Variants in IGSF3 observed in about 807,000 individuals in gnomAD.
IGSF3 encodes immunoglobulin superfamily member 3, also known as glu-Trp-Ile EWI motif-containing protein 3.
A neutral mutation model predicts 114.4 loss-of-function variants in IGSF3; 23 were observed. That is an observed-to-expected ratio of 0.20 (90% CI 0.14 to 0.28). The LOEUF (loss-of-function observed/expected upper bound fraction) is 0.28. Ranked by LOEUF, IGSF3 falls within the 10% of genes least tolerant of loss-of-function variation. The probability of loss-of-function intolerance (pLI) is 1.00; values close to 1 mark genes in which losing one functional copy is unlikely to be tolerated. For missense variants in IGSF3, 1,172 were observed against 1,591.5 expected (o/e 0.74, Z 4.48); for synonymous variants, 571 against 645.2 (o/e 0.88, Z 1.74).
chr1:116,621,281 T>C (rs1571166278), intron 2 of IGSF3, among the ~76,000 whole-genome samples: 1 of 152,216 alleles, frequency 6.6e-6, no homozygotes, highest in Non-Finnish European at 1.5e-5. Flanking sequence ...TGTGAGACAA[T>C]TAAACCTCTT....
rs891861572 is a variant in IGSF3, at chr1:116,661,801, T to C, written c.43+4483A>G. ...GACACATGGACCCTCAGGATAAGCA[T>C]ATTTTCCAGCCTTCTTTGCAGCTAA... On this transcript the variant is annotated intron_variant, in intron 2 of 10. Transcript: ENST00000369486. This position sits in a 1 kb window ranked among gnomAD's most constrained non-coding sequence, Gnocchi z 4.0. Among the ~76,000 whole-genome samples, 3 of 152,222 alleles carry C rather than the reference T, an allele frequency of 2.0e-5. No homozygotes were observed. Among genetic ancestry groups the C allele is most frequent in the African/African-American group, 7.2e-5 (3 of 41,458 alleles).
chr1:116,635,571 G>A (rs113379886), intron 2 of IGSF3, among the ~76,000 whole-genome samples: 14 of 152,294 alleles, frequency 9.2e-5, no homozygotes, highest in African/African-American at 2.6e-4. Flanking sequence ...CCTACAACAC[G>A]GGGCAGACAG....
In IGSF3 at chr1:116,603,484, G is replaced by T; in HGVS notation, c.1624+140C>A. 1 of 803,098 alleles carries T rather than the reference G, an allele frequency of 1.2e-6. No individual in the cohort carries two copies. The highest frequency in any genetic ancestry group is 2.0e-6 in the Non-Finnish European group (1 of 502,828). The allele number at this position is 803,098 out of a possible 1,614,324, so 49.7% of individuals were successfully genotyped here. ...TTATAAGAAATAAAATAGACATAAA[G>T]GAAAGTACTTCAAACTCTATAGGTA... On this transcript the variant is annotated intron_variant, in intron 6 of 10. Transcript: ENST00000369486. The surrounding 1 kb of genome is among the most constrained non-coding windows in gnomAD (Gnocchi z 7.1).
Position 116,575,668 on chromosome 1 carries a change from G to A in IGSF3, c.*1644C>T, listed in dbSNP as rs1659313973. On this transcript the variant is annotated 3_prime_UTR_variant, in exon 11 of 11. Coordinates refer to ENST00000369486, the MANE Select transcript of IGSF3 (RefSeq NM_001007237.3). This position sits in a 1 kb window ranked among gnomAD's most constrained non-coding sequence, Gnocchi z 5.6. Reference sequence around the variant, plus strand: ...TTGGGATTCAGGATGTAAGTTCCCAGAGTAAAGGAGATGGCATGCTTGGCC... The same window carrying A: ...TTGGGATTCAGGATGTAAGTTCCCAAAGTAAAGGAGATGGCATGCTTGGCC... 1 of 152,202 alleles carries A rather than the reference G, an allele frequency of 6.6e-6. No individual in the cohort carries two copies. The highest frequency in any genetic ancestry group is 1.5e-5 in the Non-Finnish European group (1 of 68,048). 9.4% of individuals were successfully genotyped at this position (152,202 alleles called of 1,614,324 possible). A position where few individuals can be genotyped will look rare whatever the true frequency, so the allele number is the denominator to read the frequency against.
chr1:116,639,808 C>T (rs1041062468), intron 2 of IGSF3, among the ~76,000 whole-genome samples: 10 of 151,900 alleles, frequency 6.6e-5, no homozygotes, highest in African/African-American at 1.7e-4. Flanking sequence ...CCAAGTTGGG[C>T]GAATCACTTG....
chr1:116,624,128 T>G lies in IGSF3; in HGVS notation c.44-7671A>C, dbSNP rs1661503103. 6.7e-6 allele frequency among the ~76,000 whole-genome samples: 1 copy of G among 149,390 alleles called. No homozygotes were observed. Among genetic ancestry groups the G allele is most frequent in the South Asian group, 2.1e-4 (1 of 4,704 alleles). On this transcript the variant is annotated intron_variant, in intron 2 of 10. Transcript: ENST00000369486. This position sits in a 1 kb window ranked among gnomAD's most constrained non-coding sequence, Gnocchi z 4.9. ...AAGGTCCCTGAGGATCCCTCGAGCC[T>G]GGGAGGCCGAGGCTGCCGTGAACAA... is the stretch of plus-strand genomic sequence containing the variant.
chr1:116,601,718 A>G (rs1008034045), intron 6 of IGSF3, among the ~76,000 whole-genome samples: 2 of 152,174 alleles, frequency 1.3e-5, no homozygotes, highest in African/African-American at 2.4e-5. Context: ...TTCATAAGCT[A>G]TCTCTATATA....
intron 2 of IGSF3, among the ~76,000 whole-genome samples, chr1:116,646,359 A>G (rs1343849220): frequency 6.6e-6 from 1 of 152,168 alleles, no homozygotes; most frequent in African/African-American, 2.4e-5. Flanking sequence ...GTCCACACAA[A>G]GAGGATGGAT....
chr1:116,608,739 T>C (rs1243561832), intron 4 of IGSF3, among the ~76,000 whole-genome samples: 1 of 152,094 alleles, frequency 6.6e-6, no homozygotes, highest in African/African-American at 2.4e-5. Context: ...ATTATAAACA[T>C]TTTCAGCAGA....
chr1:116,620,923 T>C (rs565311302), intron 2 of IGSF3, among the ~76,000 whole-genome samples: 25 of 152,300 alleles, frequency 1.6e-4, no homozygotes, highest in East Asian at 5.8e-4. Flanking sequence ...TTATTTCTTA[T>C]AGAGACGGGA....
intron 2 of IGSF3, among the ~76,000 whole-genome samples, chr1:116,643,398 C>G (rs1648197151): frequency 6.6e-6 from 1 of 152,256 alleles, no homozygotes; most frequent in African/African-American, 2.4e-5. Flanking sequence ...GGACACTCCT[C>G]AAGTGACCTT....
chr1:116,586,515 G>GA (rs1288513262), intron 8 of IGSF3, among the ~76,000 whole-genome samples: 3 of 152,168 alleles, frequency 2.0e-5, no homozygotes, highest in African/African-American at 7.2e-5. Flanking sequence ...AAGAAACGAG[G>GA]AAAGCTGTTT....
chr1:116,579,243 G>A lies in IGSF3; in HGVS notation c.3334+149C>T, dbSNP rs12066192. On this transcript the variant is annotated intron_variant, in intron 10 of 10. Coordinates refer to ENST00000369486, the MANE Select transcript of IGSF3 (RefSeq NM_001007237.3). The surrounding 1 kb of genome is among the most constrained non-coding windows in gnomAD (Gnocchi z 6.4). ...AAGGGTCAATTATATGAACTAATAT[G>A]TCCAATCCCACCATATCTCAAATCC... The A allele has an allele frequency of 0.28, 288,372 of 1,025,082 alleles. 51,750 individuals carry two copies. The highest frequency in any genetic ancestry group is 0.81 in the African/African-American group (50,365 of 62,028). The allele number at this position is 1,025,082 out of a possible 1,614,324, so 63.5% of individuals were successfully genotyped here.
At chr1:116,643,698 T>TACGGGC (rs1489691252) in intron 2 of IGSF3, among the ~76,000 whole-genome samples, 1 of 152,234 alleles carries the variant, frequency 6.6e-6, no homozygotes, top group Non-Finnish European at 1.5e-5. Context: ...CTCAGGTGTC[T>TACGGGC]ACGGGCACGT....
rs1254982446 is a variant in IGSF3, at chr1:116,665,097, T to C, written c.43+1187A>G. Among the ~76,000 whole-genome samples, 1 of 152,188 alleles carries C rather than the reference T, an allele frequency of 6.6e-6. No homozygotes were observed. The highest frequency in any genetic ancestry group is 1.5e-5 in the Non-Finnish European group (1 of 68,044). ...CTTATATCCTTTAGTTATCACACCTTCCCTTGTTTTATTGTTTCTGTTTTA... is the reference window on the plus strand; with the variant it reads ...CTTATATCCTTTAGTTATCACACCTCCCCTTGTTTTATTGTTTCTGTTTTA... On this transcript the variant is annotated intron_variant, in intron 2 of 10. Transcript: ENST00000369486. This position sits in a 1 kb window ranked among gnomAD's most constrained non-coding sequence, Gnocchi z 4.0.
intron 4 of IGSF3, among the ~76,000 whole-genome samples, chr1:116,613,012 C>A (rs1250228039): frequency 1.3e-5 from 2 of 152,204 alleles, no homozygotes; most frequent in Admixed American, 6.5e-5. Flanking sequence ...ATCATGCAAC[C>A]TCCTCAGGAC....
intron 6 of IGSF3, among the ~76,000 whole-genome samples, chr1:116,601,751 C>T (rs552995143): frequency 2.0e-5 from 3 of 152,248 alleles, no homozygotes; most frequent in South Asian, 2.1e-4. Flanking sequence ...GTTTATGACA[C>T]GGAGGCCCAT....
In IGSF3 at chr1:116,608,450, G is replaced by A. The variant is rs569475003; in HGVS notation, c.833-119C>T. ...TCTTTACAATACTAACTGCGGGGAG[G>A]ACCACAGCACTTAGCTTGAGAGTAA... On this transcript the variant is annotated intron_variant, in intron 4 of 10. Coordinates refer to ENST00000369486, the MANE Select transcript of IGSF3 (RefSeq NM_001007237.3). 3.8e-6 allele frequency: 3 copies of A among 780,508 alleles called. No homozygotes were observed. In the South Asian group the frequency reaches 5.5e-5, roughly 14 times the overall value. The allele number at this position is 780,508 out of a possible 1,614,324, so 48.3% of individuals were successfully genotyped here. A position where few individuals can be genotyped will look rare whatever the true frequency, so the allele number is the denominator to read the frequency against.
At position 116,598,435 on chromosome 1, in the gene IGSF3, G is replaced by A. The variant is rs923140538; in HGVS notation, c.2029+1506C>T. On this transcript the variant is annotated intron_variant, in intron 7 of 10. Coordinates refer to ENST00000369486, the MANE Select transcript of IGSF3 (RefSeq NM_001007237.3). The surrounding 1 kb of genome is among the most constrained non-coding windows in gnomAD (Gnocchi z 4.3). Reference sequence around the variant, plus strand: ...CTCTTCCCTGAGCCTCTTGTCAGTCGAAGTTTAGGCTGTCATTGGCCAAGG... The same window carrying A: ...CTCTTCCCTGAGCCTCTTGTCAGTCAAAGTTTAGGCTGTCATTGGCCAAGG... Among the ~76,000 whole-genome samples, 5 of 152,174 alleles carry A rather than the reference G, an allele frequency of 3.3e-5. No individual in the cohort carries two copies. The highest frequency in any genetic ancestry group is 7.2e-5 in the African/African-American group (3 of 41,432).
Sources: allele counts gnomAD v4.1 joint callset (sites outside exome capture counted in the v4.1 genomes callset), GRCh38; gene constraint gnomAD v4.1.1; non-coding constraint Gnocchi (gnomAD v3.1); transcripts MANE v1.5; gene names NCBI Gene and HGNC (gene_info 2026-07-23, HGNC 2026-07-21).